UNC13C: variants seen among roughly 807,000 people sequenced by gnomAD.
UNC13C encodes the protein protein unc-13 homolog C.
Under a neutral mutation model 245.4 loss-of-function variants are expected in UNC13C, and 174 were observed. The observed-to-expected ratio is 0.71, with a 90% confidence interval of 0.63 to 0.80. UNC13C has a LOEUF of 0.80. UNC13C is among the 30% of genes least tolerant of loss of function. The pLI is 0.00. For missense variants in UNC13C, 2,829 were observed against 2,602.9 expected, an observed-to-expected ratio of 1.09 and a Z score of -1.89; for synonymous variants, 992 against 895.1, an observed-to-expected ratio of 1.11 and a Z score of -1.93.
At chr15:54,114,875 G>T (rs983635080) in intron 2 of UNC13C, among the ~76,000 whole-genome samples, 1 of 151,966 alleles carries the variant, frequency 6.6e-6, no homozygotes, top group Non-Finnish European at 1.5e-5. Flanking sequence ...CGTTCCAGTG[G>T]CTGTGAAATA....
chr15:54,062,381 C>T (rs946770418), intron 2 of UNC13C, among the ~76,000 whole-genome samples: 3 of 151,682 alleles, frequency 2.0e-5, no homozygotes, highest in Non-Finnish European at 4.4e-5. Context: ...TGGCAGAGGT[C>T]GTAGTTTCCT....
chr15:54,467,181 G>A (rs1892221208), intron 19 of UNC13C, among the ~76,000 whole-genome samples: 2 of 151,772 alleles, frequency 1.3e-5, no homozygotes, highest in South Asian at 4.1e-4. Context: ...CTTCGTTCAT[G>A]GGGCTTACAT....
chr15:54,002,030 T>TA (rs1399429283), intron 1 of UNC13C, among the ~76,000 whole-genome samples: 1 of 152,232 alleles, frequency 6.6e-6, no homozygotes, highest in African/African-American at 2.4e-5. Context: ...CTCACGCCTG[T>TA]AATCCCAACA....
At chr15:53,859,366 C>A in the UNC13C span, among the ~76,000 whole-genome samples, 23 of 152,058 alleles carry the variant, frequency 1.5e-4, no homozygotes, top group African/African-American at 5.6e-4. Flanking sequence ...CTGGGCCAAC[C>A]ATTTCCAGAT....
At chr15:54,324,412 G>C (rs1162450947) in intron 14 of UNC13C, among the ~76,000 whole-genome samples, 1 of 151,990 alleles carries the variant, frequency 6.6e-6, no homozygotes, top group African/African-American at 2.4e-5. Context: ...TTTAAGAAAA[G>C]AAAACCATTT....
At chr15:54,132,068 C>CTTTTTTTTT in intron 2 of UNC13C, among the ~76,000 whole-genome samples, 1 of 12,830 alleles carries the variant, frequency 7.8e-5, no homozygotes, top group Non-Finnish European at 1.9e-4. Context: ...CAGTTTTTTT[C>CTTTTTTTTT]TTTTTCTTTT....
intron 19 of UNC13C, among the ~76,000 whole-genome samples, chr15:54,421,200 A>C (rs771717823): frequency 1.3e-5 from 2 of 151,976 alleles, no homozygotes; most frequent in Non-Finnish European, 2.9e-5. Context: ...ATTCCTGGTG[A>C]TTCTAGTATG....
intron 19 of UNC13C, among the ~76,000 whole-genome samples, chr15:54,453,752 A>G (rs1206669579): frequency 6.6e-6 from 1 of 152,248 alleles, no homozygotes; most frequent in Non-Finnish European, 1.5e-5. Context: ...TTCTCAGTTA[A>G]GCACACTTTT....
chr15:54,235,882 G>C (rs748926840), intron 5 of UNC13C, among the ~76,000 whole-genome samples: 31 of 151,984 alleles, frequency 2.0e-4, no homozygotes, highest in Non-Finnish European at 3.8e-4. Flanking sequence ...AAAAAGAAGA[G>C]AAAACCATGG....
At chr15:54,231,036 G>A (rs926936566) in intron 4 of UNC13C, among the ~76,000 whole-genome samples, 1 of 151,920 alleles carries the variant, frequency 6.6e-6, no homozygotes, top group South Asian at 2.1e-4. Context: ...TGTCTGTAAT[G>A]CCTATAGTCT....
chr15:53,955,977 C>T, the UNC13C span: 1 of 152,178 alleles, frequency 6.6e-6, no homozygotes, highest in Non-Finnish European at 1.5e-5. Flanking sequence ...TATATATACA[C>T]AATGGAATAC....
intron 30 of UNC13C, among the ~76,000 whole-genome samples, chr15:54,613,663 T>C (rs866283734): frequency 1.3e-5 from 2 of 152,104 alleles, no homozygotes; most frequent in East Asian, 3.9e-4. Flanking sequence ...TTGTGTAATA[T>C]CTTCTTTTTT....
At chr15:54,603,452 C>T (rs1373160759) in intron 30 of UNC13C, among the ~76,000 whole-genome samples, 1 of 152,172 alleles carries the variant, frequency 6.6e-6, no homozygotes, top group Non-Finnish European at 1.5e-5. Context: ...GCTGCCAGAA[C>T]TGTTGGTAGC....
At chr15:54,258,457 G>A (rs1021873508) in intron 8 of UNC13C, among the ~76,000 whole-genome samples, 2 of 152,052 alleles carry the variant, frequency 1.3e-5, no homozygotes, top group African/African-American at 2.4e-5. Context: ...TTCACCTGCC[G>A]GGTTCAAGCC....
chr15:54,501,288 C>T (rs1350553794), intron 22 of UNC13C, among the ~76,000 whole-genome samples: 3 of 152,092 alleles, frequency 2.0e-5, no homozygotes, highest in Non-Finnish European at 4.4e-5. Flanking sequence ...TGAAAGTAAG[C>T]CTTGGCAATT....
chr15:54,222,221 C>G (rs1442709221), intron 4 of UNC13C, among the ~76,000 whole-genome samples: 1 of 151,822 alleles, frequency 6.6e-6, no homozygotes, highest in East Asian at 1.9e-4. Context: ...TACCCATTAA[C>G]CATTCCCCCA....
At chr15:54,527,092 C>A (rs1895503478) in intron 25 of UNC13C, among the ~76,000 whole-genome samples, 1 of 151,284 alleles carries the variant, frequency 6.6e-6, no homozygotes, top group African/African-American at 2.4e-5. Flanking sequence ...CAAGGGTAGT[C>A]ATTCTGCCTC....
the UNC13C span, among the ~76,000 whole-genome samples, chr15:53,854,661 T>C: frequency 8.3e-3 from 1,264 of 152,300 alleles, 21 homozygotes; most frequent in African/African-American, 0.029. Flanking sequence ...TATGTGTCTG[T>C]TTTTGTACCA....
chr15:54,326,975 G>A (rs1393299433), intron 14 of UNC13C, among the ~76,000 whole-genome samples: 1 of 151,924 alleles, frequency 6.6e-6, no homozygotes, highest in African/African-American at 2.4e-5. Context: ...TGCTTTCAGA[G>A]AGCCACTTTA....
Sources: gnomAD v4.1 joint callset for allele counts (sites outside exome capture counted in the v4.1 genomes callset) on GRCh38, gnomAD v4.1.1 for gene constraint, MANE v1.5 for transcripts, NCBI Gene and HGNC (gene_info 2026-07-23, HGNC 2026-07-21) for gene names.